ZNF704: variants seen among roughly 807,000 people sequenced by gnomAD.
The protein encoded by ZNF704 is glucocorticoid induced gene 1.
A neutral mutation model predicts 44.7 loss-of-function variants in ZNF704; 10 were observed. The ratio of observed to expected loss-of-function variants is 0.22; its 90% CI spans 0.14 to 0.38. The LOEUF (loss-of-function observed/expected upper bound fraction) is 0.38. Ranked by LOEUF, ZNF704 falls within the 10% of genes least tolerant of loss-of-function variation. ZNF704 has a pLI of 1.00. For synonymous variants in ZNF704, 211 were observed against 207.6 expected (o/e 1.02, Z -0.14); for missense variants, 390 against 545.5 (o/e 0.71, Z 2.84).
chr8:80,777,997 T>C (rs1161472680), intron 2 of ZNF704, among the ~76,000 whole-genome samples: 1 of 152,182 alleles, frequency 6.6e-6, no homozygotes, highest in Admixed American at 6.5e-5. Context: ...ACGCCATTAC[T>C]GTATTCAATA....
chr8:80,777,551 A>G (rs988596876), intron 2 of ZNF704, among the ~76,000 whole-genome samples: 5 of 152,132 alleles, frequency 3.3e-5, no homozygotes, highest in Non-Finnish European at 7.4e-5. Context: ...TACACACAAC[A>G]CATGCATATA....
chr8:80,708,783 G>T (rs549207388), intron 2 of ZNF704, among the ~76,000 whole-genome samples: 15 of 151,530 alleles, frequency 9.9e-5, no homozygotes, highest in African/African-American at 3.6e-4. Context: ...TAAATATTTC[G>T]AATACTAATA....
intron 2 of ZNF704, among the ~76,000 whole-genome samples, chr8:80,815,895 T>C (rs1178261843): frequency 6.6e-6 from 1 of 152,266 alleles, no homozygotes; most frequent in Non-Finnish European, 1.5e-5. Context: ...TTGCAAGCAC[T>C]GGTTCTGTAG....
At chr8:80,724,688 C>T (rs1217256846) in intron 2 of ZNF704, among the ~76,000 whole-genome samples, 1 of 152,130 alleles carries the variant, frequency 6.6e-6, no homozygotes, top group Admixed American at 6.5e-5. Flanking sequence ...CGACTGAACC[C>T]AAGTTCTACT....
intron 2 of ZNF704, among the ~76,000 whole-genome samples, chr8:80,764,107 C>T (rs1175302586): frequency 6.6e-6 from 1 of 152,208 alleles, no homozygotes; most frequent in Non-Finnish European, 1.5e-5. Flanking sequence ...ACTGTTCCAA[C>T]CTCTGCCTGT....
chr8:80,759,401 A>G (rs1183733062), intron 2 of ZNF704, among the ~76,000 whole-genome samples: 1 of 152,012 alleles, frequency 6.6e-6, no homozygotes, highest in African/African-American at 2.4e-5. Context: ...ATGCCCCCCA[A>G]TGATCTCACC....
chr8:80,747,573 C>T (rs1469354012), intron 2 of ZNF704, among the ~76,000 whole-genome samples: 1 of 152,188 alleles, frequency 6.6e-6, no homozygotes, highest in Non-Finnish European at 1.5e-5. Flanking sequence ...TAGAGAAATA[C>T]AGACTACATT....
intron 2 of ZNF704, among the ~76,000 whole-genome samples, chr8:80,790,727 C>T (rs749133190): frequency 5.9e-5 from 9 of 152,006 alleles, no homozygotes; most frequent in Non-Finnish European, 1.2e-4. Flanking sequence ...TGGAGCCACA[C>T]TGGGCAGAGT....
In ZNF704 at chr8:80,649,786, G is replaced by A. The variant is rs1256657877; in HGVS notation, c.1033-6657C>T. On this transcript the variant is annotated intron_variant, in intron 7 of 8. Transcript: ENST00000327835. ...AGCAGAAAACTTTGCAGACTTAAAT[G>A]TCCCTGTCTGACAGCTTTGAAGAGA... is the stretch of plus-strand genomic sequence containing the variant. 2.0e-5 allele frequency among the ~76,000 whole-genome samples: 3 copies of A among 152,214 alleles called. No individual in the cohort carries two copies. The South Asian group carries it at 6.2e-4, about 32-fold the overall frequency.
intron 1 of ZNF704, among the ~76,000 whole-genome samples, chr8:80,861,464 G>A (rs1809060297): frequency 6.6e-6 from 1 of 152,066 alleles, no homozygotes; most frequent in South Asian, 2.1e-4. Flanking sequence ...ATGGGTACGG[G>A]GTATCTTTCA....
intron 1 of ZNF704, among the ~76,000 whole-genome samples, chr8:80,869,711 G>A (rs1809217780): frequency 6.6e-6 from 1 of 152,156 alleles, no homozygotes; most frequent in African/African-American, 2.4e-5. Flanking sequence ...CCTCTCCTTA[G>A]GTTGTGGGTG....
At chr8:80,733,413 T>C (rs1433499842) in intron 2 of ZNF704, among the ~76,000 whole-genome samples, 1 of 152,214 alleles carries the variant, frequency 6.6e-6, no homozygotes, top group African/African-American at 2.4e-5. Flanking sequence ...AACACATTTT[T>C]TTGAGATGTA....
intron 1 of ZNF704, among the ~76,000 whole-genome samples, chr8:80,854,891 G>A (rs1808931618): frequency 6.6e-6 from 1 of 152,012 alleles, no homozygotes; most frequent in South Asian, 2.1e-4. Flanking sequence ...ATTTCTGTGG[G>A]TACACAGTAG....
Position 80,649,449 on chromosome 8 carries a change from T to C in ZNF704, c.1033-6320A>G, listed in dbSNP as rs191752057. 5.1e-3 allele frequency among the ~76,000 whole-genome samples: 781 copies of C among 152,148 alleles called. 7 individuals carry two copies. The highest frequency in any genetic ancestry group is 0.018 in the African/African-American group (758 of 41,500). On this transcript the variant is annotated intron_variant, in intron 7 of 8. Transcript: ENST00000327835. ...GGGGTGACAGACAGCACCTGGAAAA[T>C]TGGGTCTCTCCCACCCTAATACTGC...
intron 2 of ZNF704, 142 bp downstream of exon 2, chr8:80,821,230 TCA>T: frequency 1.2e-6 from 1 of 829,108 alleles, no homozygotes; most frequent in Non-Finnish European, 1.9e-6. Context: ...CTGCTCTATT[TCA>T]CACAAGCAAT....
intron 1 of ZNF704, among the ~76,000 whole-genome samples, chr8:80,824,880 A>AT (rs1180535386): frequency 6.6e-6 from 1 of 152,202 alleles, no homozygotes; most frequent in African/African-American, 2.4e-5. Flanking sequence ...ATGCTGAGAG[A>AT]TTTTGTCACC....
In ZNF704 at chr8:80,711,321, T is replaced by C. The variant is rs146558589; in HGVS notation, c.222-18214A>G. Among the ~76,000 whole-genome samples, 202 of 152,242 alleles carry C rather than the reference T, an allele frequency of 1.3e-3. 1 individual carries two copies. Among genetic ancestry groups the C allele is most frequent in the African/African-American group, 4.8e-3 (198 of 41,546 alleles). ...TAGCAGCAGTGGCAACAGGAGTCAA[T>C]AGTGGCAAATGGCAGCGGTCTCATG... On this transcript the variant is annotated intron_variant, in intron 2 of 8. Coordinates refer to ENST00000327835, the MANE Select transcript of ZNF704 (RefSeq NM_001033723.3).
chr8:80,707,186 C>T (rs1818912088), intron 2 of ZNF704, among the ~76,000 whole-genome samples: 1 of 152,194 alleles, frequency 6.6e-6, no homozygotes, highest in African/African-American at 2.4e-5. Flanking sequence ...GGTCTTTATA[C>T]TACACACTAA....
intron 2 of ZNF704, among the ~76,000 whole-genome samples, chr8:80,718,400 T>C (rs1413862391): frequency 6.6e-6 from 1 of 152,240 alleles, no homozygotes; most frequent in East Asian, 1.9e-4. Context: ...CTTTATCAGC[T>C]AACATTGTAG....
Sources: gnomAD v4.1 joint callset for allele counts (sites outside exome capture counted in the v4.1 genomes callset) on GRCh38, gnomAD v4.1.1 for gene constraint, MANE v1.5 for transcripts, NCBI Gene and HGNC (gene_info 2026-07-23, HGNC 2026-07-21) for gene names.